The following HS6ST3 variants were observed in gnomAD, a reference collection of about 807,000 sequenced individuals.
HS6ST3 encodes the protein heparan sulfate 6-O-sulfotransferase 3.
A neutral mutation model predicts 36.7 loss-of-function variants in HS6ST3; 12 were observed. That is an observed-to-expected ratio of 0.33 (90% CI 0.21 to 0.53). The LOEUF (loss-of-function observed/expected upper bound fraction) is 0.53. Ranked by LOEUF, HS6ST3 falls within the 20% of genes least tolerant of loss-of-function variation. The pLI is 0.95. For missense variants in HS6ST3, 584 were observed against 640.9 expected (o/e 0.91, Z 0.96); for synonymous variants, 240 against 257.5 (o/e 0.93, Z 0.65).
At chr13:96,811,713 A>G (rs1878320338) in intron 1 of HS6ST3, among the ~76,000 whole-genome samples, 1 of 152,228 alleles carries the variant, frequency 6.6e-6, no homozygotes, top group Admixed American at 6.5e-5. Flanking sequence ...ATTTGTACCT[A>G]CTATTGAAAT....
rs906205987 is a variant in HS6ST3, at chr13:96,834,225, C to T, written c.*1027C>T. ...AAAAGCTTGGCCCAAAGAATAGGAA[C>T]TTAGCTAGCATGTATACAAAATATA... On this transcript the variant is annotated 3_prime_UTR_variant, in exon 2 of 2. Transcript: ENST00000376705. 6.6e-6 allele frequency: 1 copy of T among 152,136 alleles called. No homozygotes were observed. Among genetic ancestry groups the T allele is most frequent in the African/African-American group, 2.4e-5 (1 of 41,414 alleles). The allele number at this position is 152,136 out of a possible 1,614,324, so 9.4% of individuals were successfully genotyped here.
intron 1 of HS6ST3, among the ~76,000 whole-genome samples, chr13:96,542,405 AC>A (rs1354271829): frequency 6.6e-6 from 1 of 152,096 alleles, no homozygotes; most frequent in African/African-American, 2.4e-5. Context: ...GATTTATGTC[AC>A]CCTAAAATAT....
At chr13:96,479,764 G>A (rs773060881) in intron 1 of HS6ST3, among the ~76,000 whole-genome samples, 5 of 152,008 alleles carry the variant, frequency 3.3e-5, no homozygotes, top group Admixed American at 2.6e-4. Flanking sequence ...TTTTTCTTAC[G>A]CAGAGTCTAT....
At chr13:96,317,356 A>ATATATAAT (rs1555297615) in intron 1 of HS6ST3, among the ~76,000 whole-genome samples, 1 of 14,184 alleles carries the variant, frequency 7.1e-5, no homozygotes, top group African/African-American at 1.5e-4. Flanking sequence ...ATATATATAT[A>ATATATAAT]TATATATATA....
intron 1 of HS6ST3, among the ~76,000 whole-genome samples, chr13:96,513,178 C>A (rs552239337): frequency 2.0e-5 from 3 of 152,104 alleles, no homozygotes; most frequent in South Asian, 2.1e-4. Flanking sequence ...CCCCCTCCCC[C>A]CTTTACTGGA....
chr13:96,237,503 C>A (rs1164462036), intron 1 of HS6ST3, among the ~76,000 whole-genome samples: 2 of 152,116 alleles, frequency 1.3e-5, no homozygotes, highest in Non-Finnish European at 2.9e-5. Context: ...CTTCTCTTTG[C>A]ATCATTCATC....
chr13:96,818,560 A>G (rs1183592511), intron 1 of HS6ST3, among the ~76,000 whole-genome samples: 1 of 152,216 alleles, frequency 6.6e-6, no homozygotes, highest in Non-Finnish European at 1.5e-5. Flanking sequence ...AATGAAAGAC[A>G]AAAGCCTTGG....
intron 1 of HS6ST3, among the ~76,000 whole-genome samples, chr13:96,717,923 A>G (rs1328510010): frequency 1.3e-5 from 2 of 152,200 alleles, no homozygotes; most frequent in Non-Finnish European, 2.9e-5. Flanking sequence ...GAGATGTGAT[A>G]TCCCAGATTT....
At chr13:96,399,712 C>T (rs2139456501) in intron 1 of HS6ST3, among the ~76,000 whole-genome samples, 1 of 152,350 alleles carries the variant, frequency 6.6e-6, no homozygotes, top group African/African-American at 2.4e-5. Flanking sequence ...CTCCCATGTA[C>T]ACTGGCTGGT....
At chr13:96,498,795 C>T (rs751509220) in intron 1 of HS6ST3, among the ~76,000 whole-genome samples, 11 of 152,086 alleles carry the variant, frequency 7.2e-5, no homozygotes, top group Non-Finnish European at 1.3e-4. Flanking sequence ...CCAGTGTCCC[C>T]GTTCTTATTT....
Position 96,197,741 on chromosome 13 carries a change from C to A in HS6ST3, c.707+106172C>A, listed in dbSNP as rs547034177. On this transcript the variant is annotated intron_variant, in intron 1 of 1. Transcript: ENST00000376705. ...AAGGGGTTACAGGGCCCACGCAAGTCTGAAATCCAGTGGGGCAGTCAAATT... is the reference window on the plus strand; with the variant it reads ...AAGGGGTTACAGGGCCCACGCAAGTATGAAATCCAGTGGGGCAGTCAAATT... 2.0e-5 allele frequency among the ~76,000 whole-genome samples: 3 copies of A among 152,288 alleles called. No individual in the cohort carries two copies. In the East Asian group the frequency reaches 5.8e-4, roughly 29 times the overall value.
intron 1 of HS6ST3, among the ~76,000 whole-genome samples, chr13:96,818,021 G>T (rs1274305764): frequency 6.6e-6 from 1 of 152,186 alleles, no homozygotes; most frequent in Non-Finnish European, 1.5e-5. Context: ...TGAAAAGTGG[G>T]ATAGTGTCCC....
At chr13:96,667,558 A>C (rs1365159683) in intron 1 of HS6ST3, among the ~76,000 whole-genome samples, 1 of 152,158 alleles carries the variant, frequency 6.6e-6, no homozygotes, top group African/African-American at 2.4e-5. Flanking sequence ...CTTCCACCAG[A>C]ACGATAATGA....
chr13:96,537,171 G>A (rs576567947), intron 1 of HS6ST3, among the ~76,000 whole-genome samples: 8 of 152,240 alleles, frequency 5.3e-5, no homozygotes, highest in African/African-American at 1.7e-4. Flanking sequence ...GGTGGATGGC[G>A]AAAGGCTTAT....
intron 1 of HS6ST3, among the ~76,000 whole-genome samples, chr13:96,690,345 C>A (rs1268428638): frequency 1.3e-5 from 2 of 152,040 alleles, no homozygotes; most frequent in African/African-American, 4.8e-5. Context: ...ACTTACTATT[C>A]AAAATGTAAT....
chr13:96,526,282 A>T (rs2056114276), intron 1 of HS6ST3, among the ~76,000 whole-genome samples: 1 of 152,220 alleles, frequency 6.6e-6, no homozygotes, highest in Non-Finnish European at 1.5e-5. Flanking sequence ...ATTTACCCCA[A>T]GGATGAGGTG....
At chr13:96,236,356 G>A (rs1315931165) in intron 1 of HS6ST3, among the ~76,000 whole-genome samples, 1 of 151,952 alleles carries the variant, frequency 6.6e-6, no homozygotes, top group African/African-American at 2.4e-5. Context: ...AACCATCACA[G>A]GCAGCTTTGA....
intron 1 of HS6ST3, among the ~76,000 whole-genome samples, chr13:96,226,882 C>T (rs2054483423): frequency 6.6e-6 from 1 of 152,124 alleles, no homozygotes; most frequent in African/African-American, 2.4e-5. Context: ...TTGATGAGAG[C>T]CAGCTACTCT....
chr13:96,208,936 CT>C (rs1040022375), intron 1 of HS6ST3, among the ~76,000 whole-genome samples: 2 of 152,026 alleles, frequency 1.3e-5, no homozygotes, highest in South Asian at 2.1e-4. Context: ...TAGCAGGCAC[CT>C]TTTTTTGGGA....
Sources: gnomAD v4.1 joint callset for allele counts (sites outside exome capture counted in the v4.1 genomes callset) on GRCh38, gnomAD v4.1.1 for gene constraint, MANE v1.5 for transcripts, NCBI Gene and HGNC (gene_info 2026-07-23, HGNC 2026-07-21) for gene names.